HDAC9: variants seen among roughly 807,000 people sequenced by gnomAD.
HDAC9 encodes the protein histone deacetylase 9.
Under a neutral mutation model 139.4 loss-of-function variants are expected in HDAC9, and 41 were observed. The observed-to-expected ratio is 0.29, with a 90% CI of 0.23 to 0.38. The LOEUF is 0.38. Ranked by LOEUF, HDAC9 falls within the 10% of genes least tolerant of loss-of-function variation. The pLI is 1.00. For synonymous variants in HDAC9, 517 were observed against 476.2 expected (o/e 1.09, Z -1.12); for missense variants, 1,147 against 1,297.0 (o/e 0.88, Z 1.78).
chr7:18,906,583 G>A (rs1802283163), intron 22 of HDAC9, among the ~76,000 whole-genome samples: 2 of 152,172 alleles, frequency 1.3e-5, no homozygotes, highest in African/African-American at 4.8e-5. Context: ...GAGGATCTAT[G>A]GTGGGGAAAA....
chr7:18,646,388 C>T (rs891587027), intron 9 of HDAC9, among the ~76,000 whole-genome samples: 12 of 152,066 alleles, frequency 7.9e-5, no homozygotes, highest in Non-Finnish European at 1.8e-4. Context: ...GATGAATAAA[C>T]CAATGTGGTT....
At chr7:18,329,456 A>C (rs1189794628) in intron 1 of HDAC9, among the ~76,000 whole-genome samples, 1 of 151,764 alleles carries the variant, frequency 6.6e-6, no homozygotes, top group Non-Finnish European at 1.5e-5. Flanking sequence ...GTTAAAATAA[A>C]TATGTAAAAA....
intron 25 of HDAC9, among the ~76,000 whole-genome samples, chr7:18,981,456 A>C (rs1784945506): frequency 6.6e-6 from 1 of 152,284 alleles, no homozygotes. Flanking sequence ...TGTCAGTCAG[A>C]AATCTAACTA....
At position 18,749,886 on chromosome 7, in the gene HDAC9, T is replaced by C. The variant is rs796778285; in HGVS notation, c.2043+748T>C. Among the ~76,000 whole-genome samples the C allele has an allele frequency of 1.1e-4, 16 of 152,274 alleles. 1 individual carries two copies. Among genetic ancestry groups the C allele is most frequent in the African/African-American group, 3.4e-4 (14 of 41,570 alleles). ...ATCTAAGGCATTTTTAAAAGAAAAA[T>C]GCCCTTCATGGGTTTTCTCACATTA... On this transcript the variant is annotated intron_variant, in intron 14 of 25. Coordinates refer to ENST00000686413, the MANE Select transcript of HDAC9 (RefSeq NM_178425.4).
intron 12 of HDAC9, among the ~76,000 whole-genome samples, chr7:18,682,854 G>A (rs539634024): frequency 3.9e-5 from 6 of 151,946 alleles, no homozygotes; most frequent in Admixed American, 1.3e-4. Context: ...GGTGGTGGGC[G>A]CCTGTGATCC....
At chr7:18,652,863 G>A (rs143228748) in intron 11 of HDAC9, among the ~76,000 whole-genome samples, 1 of 152,230 alleles carries the variant, frequency 6.6e-6, no homozygotes, top group African/African-American at 2.4e-5. Context: ...TGCAGACACA[G>A]TTTTAAGCAC....
intron 1 of HDAC9, among the ~76,000 whole-genome samples, chr7:18,158,459 C>A (rs1562688634): frequency 6.6e-6 from 1 of 152,176 alleles, no homozygotes; most frequent in Non-Finnish European, 1.5e-5. Context: ...TCTTGATGTT[C>A]ATACAGCTCT....
intron 6 of HDAC9, among the ~76,000 whole-genome samples, chr7:18,607,275 A>G (rs1251185961): frequency 2.0e-5 from 3 of 152,226 alleles, no homozygotes; most frequent in Admixed American, 2.0e-4. Flanking sequence ...TCTAACTCAA[A>G]TATTTTGCTT....
chr7:18,212,212 ATCT>A (rs925590477), intron 2 of HDAC9, among the ~76,000 whole-genome samples: 1 of 152,148 alleles, frequency 6.6e-6, no homozygotes, highest in African/African-American at 2.4e-5. Context: ...AGAAGAAAAA[ATCT>A]TCTTTATCTT....
chr7:18,908,232 TA>T (rs1802440734), intron 22 of HDAC9, among the ~76,000 whole-genome samples: 3 of 152,190 alleles, frequency 2.0e-5, no homozygotes, highest in African/African-American at 7.2e-5. Flanking sequence ...TTATTCTTTG[TA>T]CTCTTTAAAA....
At chr7:18,177,166 G>T (rs1788984436) in intron 2 of HDAC9, among the ~76,000 whole-genome samples, 3 of 152,076 alleles carry the variant, frequency 2.0e-5, no homozygotes, top group Non-Finnish European at 1.5e-5. Context: ...AAGATTTGGG[G>T]TCTATATAAG....
intron 16 of HDAC9, among the ~76,000 whole-genome samples, chr7:18,772,980 C>A (rs1036766237): frequency 1.5e-4 from 23 of 151,972 alleles, no homozygotes; most frequent in Non-Finnish European, 3.4e-4. Flanking sequence ...GACAACACTC[C>A]CTACAGAGAT....
At chr7:18,319,465 T>G (rs1379096793) in intron 1 of HDAC9, among the ~76,000 whole-genome samples, 2 of 152,208 alleles carry the variant, frequency 1.3e-5, no homozygotes, top group African/African-American at 4.8e-5. Context: ...TTGGAAACTA[T>G]GTTATTTGTT....
At chr7:18,445,949 T>C (rs1792254873) in intron 1 of HDAC9, among the ~76,000 whole-genome samples, 1 of 152,214 alleles carries the variant, frequency 6.6e-6, no homozygotes, top group Admixed American at 6.5e-5. Flanking sequence ...GTGCGTGAGC[T>C]GCTGATGACA....
intron 22 of HDAC9, among the ~76,000 whole-genome samples, chr7:18,896,476 G>T (rs752016510): frequency 3.3e-5 from 5 of 152,016 alleles, no homozygotes; most frequent in Non-Finnish European, 4.4e-5. Flanking sequence ...ACTAACCAGA[G>T]AATTCAGTAG....
intron 17 of HDAC9, among the ~76,000 whole-genome samples, chr7:18,817,418 A>G (rs1335485529): frequency 6.6e-6 from 1 of 152,208 alleles, no homozygotes; most frequent in African/African-American, 2.4e-5. Context: ...AAAAAAACCC[A>G]AAGAGGGTTC....
chr7:18,134,886 G>A (rs1031627363), intron 1 of HDAC9, among the ~76,000 whole-genome samples: 2 of 152,100 alleles, frequency 1.3e-5, no homozygotes, highest in African/African-American at 2.4e-5. Flanking sequence ...TTGTTTTTAT[G>A]CATGACAATC....
At chr7:18,581,291 C>T (rs931610397) in intron 2 of HDAC9, among the ~76,000 whole-genome samples, 2 of 152,118 alleles carry the variant, frequency 1.3e-5, no homozygotes, top group African/African-American at 4.8e-5. Context: ...CTGCCACTTT[C>T]TCTCAGTCTT....
At chr7:18,231,082 C>G (rs1321570520) in intron 2 of HDAC9, among the ~76,000 whole-genome samples, 1 of 152,204 alleles carries the variant, frequency 6.6e-6, no homozygotes, top group Non-Finnish European at 1.5e-5. Flanking sequence ...GAACTGCTGG[C>G]AGACAACCCT....
Sources: gnomAD v4.1 joint callset for allele counts (sites outside exome capture counted in the v4.1 genomes callset) on GRCh38, gnomAD v4.1.1 for gene constraint, MANE v1.5 for transcripts, NCBI Gene and HGNC (gene_info 2026-07-23, HGNC 2026-07-21) for gene names.